EPB41L2: variants seen among roughly 807,000 people sequenced by gnomAD.
EPB41L2 encodes band 4.1-like protein 2.
EPB41L2 carries 43 observed loss-of-function variants against 113.0 expected under a neutral mutation model. The observed-to-expected ratio is 0.38, with a 90% CI of 0.30 to 0.49. EPB41L2 has a LOEUF of 0.49. EPB41L2 is among the 20% of genes least tolerant of loss of function. The pLI, the probability that EPB41L2 is intolerant of heterozygous loss-of-function variation, is 0.95. For missense variants in EPB41L2, 1,147 were observed against 1,223.4 expected (o/e 0.94, Z 0.93); for synonymous variants, 442 against 436.7 (o/e 1.01, Z -0.15).
chr6:130,980,553 G>C (rs1779169902), intron 1 of EPB41L2, among the ~76,000 whole-genome samples: 1 of 144,166 alleles, frequency 6.9e-6, no homozygotes, highest in Admixed American at 6.9e-5. Context: ...AAGGAAGCTA[G>C]AAAGATTGGG....
chr6:130,914,961 C>T (rs1214033925), intron 4 of EPB41L2, among the ~76,000 whole-genome samples: 2 of 152,282 alleles, frequency 1.3e-5, no homozygotes, highest in East Asian at 3.9e-4. Context: ...AAACAGGCTT[C>T]CAACAGAAGT....
chr6:130,986,377 T>C (rs954973636), intron 1 of EPB41L2, among the ~76,000 whole-genome samples: 2 of 151,706 alleles, frequency 1.3e-5, no homozygotes, highest in Non-Finnish European at 2.9e-5. Flanking sequence ...CATTAGAAAG[T>C]GGAAATCAAA....
At chr6:131,055,155 T>C (rs768767118) in intron 1 of EPB41L2, among the ~76,000 whole-genome samples, 3 of 152,168 alleles carry the variant, frequency 2.0e-5, no homozygotes, top group Non-Finnish European at 4.4e-5. Context: ...AGAAGGGAGC[T>C]AGGGCACTGG....
intron 1 of EPB41L2, among the ~76,000 whole-genome samples, chr6:131,041,340 T>C (rs933420526): frequency 2.0e-5 from 3 of 152,216 alleles, no homozygotes; most frequent in Non-Finnish European, 4.4e-5. Context: ...TAATCACCGA[T>C]GGCTGTTAAA....
At chr6:130,912,992 C>A (rs1799888394) in intron 4 of EPB41L2, among the ~76,000 whole-genome samples, 1 of 152,144 alleles carries the variant, frequency 6.6e-6, no homozygotes, top group Admixed American at 6.5e-5. Context: ...TAAGTGTGAG[C>A]AGTGATACAG....
chr6:131,003,318 G>A (rs969163913), intron 1 of EPB41L2, among the ~76,000 whole-genome samples: 2 of 152,216 alleles, frequency 1.3e-5, no homozygotes, highest in Admixed American at 1.3e-4. Context: ...TTTTAACAGT[G>A]AAGGTGGAAA....
At chr6:130,861,754 C>T (rs1014951617) in intron 18 of EPB41L2, among the ~76,000 whole-genome samples, 1 of 151,796 alleles carries the variant, frequency 6.6e-6, no homozygotes, top group Non-Finnish European at 1.5e-5. Flanking sequence ...TGCCTATAAT[C>T]CCAGCTACTC....
chr6:131,043,450 CT>C (rs1291579747), intron 1 of EPB41L2, among the ~76,000 whole-genome samples: 6 of 151,942 alleles, frequency 3.9e-5, no homozygotes, highest in Non-Finnish European at 7.4e-5. Context: ...GATGAAAAGC[CT>C]CTGCATGTAC....
chr6:131,023,748 T>TAG (rs1339403514), intron 1 of EPB41L2, among the ~76,000 whole-genome samples: 9 of 103,150 alleles, frequency 8.7e-5, no homozygotes, highest in African/African-American at 2.4e-4. Context: ...TCTATATATC[T>TAG]ATATATAGAT....
intron 4 of EPB41L2, among the ~76,000 whole-genome samples, chr6:130,910,942 T>C (rs1268762642): frequency 6.6e-6 from 1 of 152,206 alleles, no homozygotes; most frequent in African/African-American, 2.4e-5. Flanking sequence ...GTAAATTAGT[T>C]CAACCATTGT....
chr6:131,047,354 A>T (rs2128191456), intron 1 of EPB41L2, among the ~76,000 whole-genome samples: 1 of 152,282 alleles, frequency 6.6e-6, no homozygotes, highest in Non-Finnish European at 1.5e-5. Flanking sequence ...CTCTAAAAAA[A>T]ATATTTAAAA....
chr6:130,942,511 G>T (rs1169336471), intron 3 of EPB41L2, among the ~76,000 whole-genome samples: 2 of 152,226 alleles, frequency 1.3e-5, no homozygotes, highest in Admixed American at 1.3e-4. Flanking sequence ...AAAAGATACT[G>T]ATAATTGTTG....
intron 1 of EPB41L2, among the ~76,000 whole-genome samples, chr6:130,966,058 T>C (rs1775074536): frequency 6.6e-6 from 1 of 151,800 alleles, no homozygotes; most frequent in South Asian, 2.1e-4. Context: ...AAAAATCTAA[T>C]AATGATCTAA....
chr6:130,857,650 C>A (rs946264624), intron 19 of EPB41L2, among the ~76,000 whole-genome samples: 1 of 149,326 alleles, frequency 6.7e-6, no homozygotes, highest in Non-Finnish European at 1.5e-5. Flanking sequence ...CCTCCGCCTC[C>A]CAGGTTGAAA....
chr6:130,929,360 TA>T (rs368348699), intron 3 of EPB41L2, among the ~76,000 whole-genome samples: 84 of 152,322 alleles, frequency 5.5e-4, no homozygotes, highest in African/African-American at 1.9e-3. Flanking sequence ...TTATAGAGCT[TA>T]CTTTTTACTT....
intron 1 of EPB41L2, among the ~76,000 whole-genome samples, chr6:131,045,411 A>C (rs1795262632): frequency 7.3e-6 from 1 of 137,194 alleles, no homozygotes; most frequent in Admixed American, 7.0e-5. Context: ...AAGTCACTGA[A>C]ATGCAGAACT....
chr6:130,936,996 CA>C (rs1186057271), intron 3 of EPB41L2, among the ~76,000 whole-genome samples: 5 of 152,228 alleles, frequency 3.3e-5, no homozygotes, highest in Non-Finnish European at 2.9e-5. Context: ...TTTAGGTTCG[CA>C]GCAAAATTGC....
chr6:131,010,346 T>A (rs1786625851), intron 1 of EPB41L2, among the ~76,000 whole-genome samples: 1 of 152,126 alleles, frequency 6.6e-6, no homozygotes, highest in South Asian at 2.1e-4. Context: ...CAATCACTGC[T>A]GGACATCAAG....
Position 130,885,167 on chromosome 6 carries a change from G to T in EPB41L2, c.1762C>A (p.Gln588Lys), listed in dbSNP as rs1790529368. ...ACTTCCCTCCTGCCGTCCCCATCTTGTACCACGGCAATGCTGACAAGTCCA... is the reference window on the plus strand; with the variant it reads ...ACTTCCCTCCTGCCGTCCCCATCTTTTACCACGGCAATGCTGACAAGTCCA... The part of the protein sequence containing the change: ...GPGLVSIAVV[Q>K]DGDGRREVRS... Residue 588 changes from glutamine (Q) to lysine (K), a missense_variant, in exon 12 of 20, where the codon CAA becomes AAA. Coordinates refer to ENST00000337057, the MANE Select transcript of EPB41L2 (RefSeq NM_001431.4). The T allele has an allele frequency of 8.7e-6, 14 of 1,614,098 alleles. No individual in the cohort carries two copies. The East Asian group carries it at 3.1e-4, about 36-fold the overall frequency.
Sources: allele counts gnomAD v4.1 joint callset (sites outside exome capture counted in the v4.1 genomes callset), GRCh38; gene constraint gnomAD v4.1.1; transcripts MANE v1.5; gene names NCBI Gene and HGNC (gene_info 2026-07-23, HGNC 2026-07-21).